UGT1A7: variants seen among roughly 807,000 people sequenced by gnomAD.
UGT1A7 encodes the protein UDP glucuronosyltransferase family 1 member A7, also known as UDP-glucuronosyltransferase 1A7.
Under a neutral mutation model 45.6 loss-of-function variants are expected in UGT1A7, and 33 were observed. The ratio of observed to expected loss-of-function variants is 0.72; its 90% CI spans 0.55 to 0.97. The LOEUF is 0.97. Among genes scored for constraint, UGT1A7 ranks in the 50% least tolerant of loss-of-function variants. UGT1A7 has a pLI of 0.00. For missense variants in UGT1A7, 684 were observed against 666.2 expected (o/e 1.03, Z -0.29); for synonymous variants, 274 against 250.6 (o/e 1.09, Z -0.88).
intron 1 of UGT1A7, among the ~76,000 whole-genome samples, chr2:233,686,447 C>T (rs759109089): frequency 5.9e-5 from 9 of 152,118 alleles, no homozygotes; most frequent in Non-Finnish European, 1.3e-4. Flanking sequence ...TGGAGGCTCT[C>T]CCATGAAACA....
At chr2:233,736,562 G>T (rs1300440200) in intron 1 of UGT1A7, among the ~76,000 whole-genome samples, 1 of 152,158 alleles carries the variant, frequency 6.6e-6, no homozygotes, top group Non-Finnish European at 1.5e-5. Context: ...TGCTAGCAAG[G>T]AGCTGTGATC....
At chr2:233,743,563 C>A (rs546286371) in intron 1 of UGT1A7, 1 of 1,367,296 alleles carries the variant, frequency 7.3e-7, no homozygotes, top group South Asian at 1.1e-5. Flanking sequence ...TATTCTCCAG[C>A]GGGTTTCCCA....
At chr2:233,735,490 G>T (rs1335131931) in intron 1 of UGT1A7, among the ~76,000 whole-genome samples, 1 of 152,096 alleles carries the variant, frequency 6.6e-6, no homozygotes, top group Non-Finnish European at 1.5e-5. Context: ...TTTTTTAATT[G>T]CAGCATTTAG....
intron 1 of UGT1A7, chr2:233,719,588 G>C (rs771890679): frequency 1.9e-6 from 3 of 1,614,000 alleles, no homozygotes; most frequent in Non-Finnish European, 2.5e-6. Flanking sequence ...CCGTGTGGCT[G>C]TTCCGAGGGG....
chr2:233,683,321 G>A (rs1258493132), intron 1 of UGT1A7, among the ~76,000 whole-genome samples: 1 of 152,054 alleles, frequency 6.6e-6, no homozygotes, highest in Non-Finnish European at 1.5e-5. Flanking sequence ...GATTTGACAT[G>A]TTCTTTTAAT....
At position 233,772,278 on chromosome 2, in the gene UGT1A7, A is replaced by G. The variant is rs1289153891; in HGVS notation, c.1312A>G (p.Met438Val). 6.2e-7 allele frequency: 1 copy of G among 1,614,252 alleles called. No homozygotes were observed. Among genetic ancestry groups the G allele is most frequent in the Admixed American group, 1.7e-5 (1 of 60,036 alleles). Residue 438 changes from methionine to valine, a missense_variant, in exon 5 of 5, where the codon ATG becomes GTG. By Grantham distance (21) the Met-to-Val change is conservative. Coordinates refer to ENST00000373426, the MANE Select transcript of UGT1A7 (RefSeq NM_019077.3). Reference sequence around the variant, plus strand: ...TGTGTTTAGTTACAAGGAGAACATCATGCGCCTCTCCAGCCTTCACAAGGA... The same window carrying G: ...TGTGTTTAGTTACAAGGAGAACATCGTGCGCCTCTCCAGCCTTCACAAGGA... ...INDKSYKENI[M>V]RLSSLHKDRP... is the part of the protein sequence containing the mutation.
chr2:233,728,571 T>C lies in UGT1A7; in HGVS notation c.856-38463T>C, dbSNP rs61764026. 1.2e-3 allele frequency among the ~76,000 whole-genome samples: 176 copies of C among 152,316 alleles called. 7 individuals carry two copies. The East Asian group carries it at 0.026, about 22-fold the overall frequency. ...CTGATCCTTACAAGAAATATCCTGGTGCGAAAAACGACCAAAACCACATAG... is the reference window on the plus strand; with the variant it reads ...CTGATCCTTACAAGAAATATCCTGGCGCGAAAAACGACCAAAACCACATAG... On this transcript the variant is annotated intron_variant, in intron 1 of 4. Coordinates refer to ENST00000373426, the MANE Select transcript of UGT1A7 (RefSeq NM_019077.3).
intron 1 of UGT1A7, chr2:233,713,190 A>G: frequency 6.2e-7 from 1 of 1,614,244 alleles, no homozygotes; most frequent in Non-Finnish European, 8.5e-7. Flanking sequence ...GGAGGTGAAT[A>G]TGTACATCAA....
intron 1 of UGT1A7, among the ~76,000 whole-genome samples, chr2:233,710,471 G>A (rs963100738): frequency 2.6e-5 from 4 of 152,226 alleles, no homozygotes. Flanking sequence ...TGGGTGTGTA[G>A]TAGAATTTCA....
intron 1 of UGT1A7, chr2:233,744,028 CT>C: frequency 1.1e-6 from 1 of 877,624 alleles, no homozygotes; most frequent in African/African-American, 1.8e-5. Flanking sequence ...AGAGACGCCC[CT>C]TATGACGCAG....
At position 233,769,854 on chromosome 2, in the gene UGT1A7, T is replaced by G; in HGVS notation, c.1295+1415T>G. ...ACCTGGGCAACAGAGTGAGACCCTG[T>G]CTCAAAAAAAAAAAAAAAAATGAAA... On this transcript the variant is annotated intron_variant, in intron 4 of 4. Coordinates refer to ENST00000373426, the MANE Select transcript of UGT1A7 (RefSeq NM_019077.3). This position sits in a 1 kb window ranked among gnomAD's most constrained non-coding sequence, Gnocchi z 4.4. The G allele has an allele frequency of 2.3e-6, 1 of 426,362 alleles. No homozygotes were observed. Among genetic ancestry groups the G allele is most frequent in the Non-Finnish European group, 3.7e-6 (1 of 266,728 alleles). The allele number at this position is 426,362 out of a possible 1,614,324, so 26.4% of individuals were successfully genotyped here.
At chr2:233,700,836 AG>A (rs1445397455) in intron 1 of UGT1A7, among the ~76,000 whole-genome samples, 2 of 152,118 alleles carry the variant, frequency 1.3e-5, no homozygotes, top group Non-Finnish European at 2.9e-5. Flanking sequence ...CTCGTCATTT[AG>A]CATTAGGTAT....
chr2:233,772,522 G>A lies in UGT1A7; in HGVS notation c.1556G>A (p.Gly519Glu). The A allele has an allele frequency of 6.2e-7, 1 of 1,614,168 alleles. No homozygotes were observed. Among genetic ancestry groups the A allele is most frequent in the Non-Finnish European group, 8.5e-7 (1 of 1,180,032 alleles). ...YGYRKCLGKK[G>E]RVKKAHKSKT... ...TACCGGAAATGCTTGGGGAAAAAAG[G>A]GCGAGTTAAGAAAGCCCACAAATCC... The change falls in exon 5 of 5, where the codon GGG becomes GAG. Residue 519 changes from glycine to glutamate, a missense_variant. Gly to Glu is a moderately conservative substitution (Grantham distance 98). Coordinates refer to ENST00000373426, the MANE Select transcript of UGT1A7 (RefSeq NM_019077.3).
intron 1 of UGT1A7, among the ~76,000 whole-genome samples, chr2:233,727,669 C>T (rs531135628): frequency 6.8e-4 from 104 of 152,310 alleles, no homozygotes; most frequent in Non-Finnish European, 1.3e-3. Flanking sequence ...TATGTCCTTA[C>T]AAATTCCCAG....
intron 1 of UGT1A7, among the ~76,000 whole-genome samples, chr2:233,749,940 G>A (rs145039541): frequency 4.6e-5 from 7 of 151,802 alleles, no homozygotes; most frequent in Non-Finnish European, 7.3e-5. Context: ...TTTCCTTTAT[G>A]AATTACCGAG....
chr2:233,713,194 A>T, intron 1 of UGT1A7: 1 of 1,614,210 alleles, frequency 6.2e-7, no homozygotes. Context: ...GTGAATATGT[A>T]CATCAAAGAA....
At position 233,704,041 on chromosome 2, in the gene UGT1A7, C is replaced by A. The variant is rs141937060; in HGVS notation, c.855+21249C>A. On this transcript the variant is annotated intron_variant, in intron 1 of 4. Coordinates refer to ENST00000373426, the MANE Select transcript of UGT1A7 (RefSeq NM_019077.3). ...GAGCAGCTGGAACTACAGGTGTGCA[C>A]CAACATGCCTGGCTAATTTTTGTAT... Among the ~76,000 whole-genome samples, 1,273 of 152,104 alleles carry A rather than the reference C, an allele frequency of 8.4e-3. 25 individuals are homozygous for A. Among genetic ancestry groups the A allele is most frequent in the African/African-American group, 0.029 (1,206 of 41,484 alleles).
At position 233,769,334 on chromosome 2, in the gene UGT1A7, AG is replaced by A. The variant is rs1261695807; in HGVS notation, c.1295+896del. Among the ~76,000 whole-genome samples the A allele has an allele frequency of 6.6e-6, 1 of 152,248 alleles. No individual in the cohort carries two copies. The highest frequency in any genetic ancestry group is 1.5e-5 in the Non-Finnish European group (1 of 68,042). ...CAAGCTCACTGGTAATAGGCTTATT[AG>A]AACCTTATGGGAAGAAGTGGTGGCC... On this transcript the variant is annotated intron_variant, in intron 4 of 4. Transcript: ENST00000373426. This position sits in a 1 kb window ranked among gnomAD's most constrained non-coding sequence, Gnocchi z 4.4.
In UGT1A7 at chr2:233,755,401, T is replaced by C. The variant is rs995268070; in HGVS notation, c.856-11633T>C. 43 of 336,532 alleles carry C rather than the reference T, an allele frequency of 1.3e-4. 1 individual carries two copies. The Admixed American group carries it at 1.6e-3, about 13-fold the overall frequency. The allele number at this position is 336,532 out of a possible 1,614,324, so 20.8% of individuals were successfully genotyped here. A position where few individuals can be genotyped will look rare whatever the true frequency, so the allele number is the denominator to read the frequency against. On this transcript the variant is annotated intron_variant, in intron 1 of 4. Transcript: ENST00000373426. ...CCCCTTATGACGCAGCCACATCTCA[T>C]TGGCCGAGGCCTGTGAGCGCCTCGC...
Sources: gnomAD v4.1 joint callset for allele counts (sites outside exome capture counted in the v4.1 genomes callset) on GRCh38, gnomAD v4.1.1 for gene constraint, Gnocchi (gnomAD v3.1) non-coding constraint, MANE v1.5 for transcripts, NCBI Gene and HGNC (gene_info 2026-07-23, HGNC 2026-07-21) for gene names.